SLC22A8: variants seen among roughly 807,000 people sequenced by gnomAD.
The protein encoded by SLC22A8 is organic anion transporter 3.
A neutral mutation model predicts 48.4 loss-of-function variants in SLC22A8; 40 were observed. The observed-to-expected ratio is 0.83, with a 90% confidence interval of 0.64 to 1.08. The LOEUF is 1.08. SLC22A8 is among the 50% of genes least tolerant of loss of function. The probability of loss-of-function intolerance (pLI) is 0.00; values close to 1 mark genes in which losing one functional copy is unlikely to be tolerated. For synonymous variants in SLC22A8, 268 were observed against 286.3 expected, an observed-to-expected ratio of 0.94 and a Z score of 0.65; for missense variants, 606 against 699.0, an observed-to-expected ratio of 0.87 and a Z score of 1.50.
chr11:63,000,936 C>G (rs745774853), intron 2 of SLC22A8, 113 bp from the exon 3 acceptor site: 3 of 772,226 alleles, frequency 3.9e-6, no homozygotes, highest in Non-Finnish European at 6.7e-6. Context: ...CTGACTTTGC[C>G]CCTACCTCCC....
chr11:63,001,035 G>A, intron 2 of SLC22A8: 2 of 536,016 alleles, frequency 3.7e-6, no homozygotes, highest in Non-Finnish European at 6.8e-6. Context: ...TCAGGCATGT[G>A]TGGCCTGTCA....
At chr11:63,009,025 G>C (rs117703343) in intron 2 of SLC22A8, among the ~76,000 whole-genome samples, 2 of 152,134 alleles carry the variant, frequency 1.3e-5, no homozygotes, top group Admixed American at 6.5e-5. Context: ...GGGCTTTCTC[G>C]GTCAGGGCTG....
At chr11:62,993,983 C>T in intron 8 of SLC22A8, 105 bp from the exon 9 acceptor site, 1 of 735,646 alleles carries the variant, frequency 1.4e-6, no homozygotes, top group Non-Finnish European at 2.5e-6. Context: ...TTCCAAGAAG[C>T]TCAGATCCAA....
chr11:62,996,822 G>A (rs1427261889), intron 5 of SLC22A8, among the ~76,000 whole-genome samples: 1 of 152,256 alleles, frequency 6.6e-6, no homozygotes, highest in Non-Finnish European at 1.5e-5. Context: ...CAGGATAAGA[G>A]GAAAGGAAGA....
chr11:63,009,214 G>C (rs964697694), intron 2 of SLC22A8, among the ~76,000 whole-genome samples: 1 of 152,004 alleles, frequency 6.6e-6, no homozygotes, highest in South Asian at 2.1e-4. Flanking sequence ...GGGCAACTGG[G>C]GACTGGGGAT....
At chr11:62,998,478 C>G (rs1488817304) in intron 5 of SLC22A8, among the ~76,000 whole-genome samples, 1 of 152,168 alleles carries the variant, frequency 6.6e-6, no homozygotes, top group Non-Finnish European at 1.5e-5. Context: ...TTAGTCTCCC[C>G]GAATCTTCCT....
intron 7 of SLC22A8, 114 bp downstream of exon 7, chr11:62,995,590 G>A: frequency 1.3e-6 from 1 of 745,894 alleles, no homozygotes; most frequent in South Asian, 1.6e-5. Context: ...CCAGGAGAGG[G>A]GATTCTCTGA....
chr11:63,013,247 A>T (rs2086638868), intron 2 of SLC22A8, among the ~76,000 whole-genome samples: 1 of 152,184 alleles, frequency 6.6e-6, no homozygotes, highest in Non-Finnish European at 1.5e-5. Flanking sequence ...ACATAGCCCT[A>T]AATTCAAATC....
At chr11:63,013,579 T>C (rs1224705615) in intron 2 of SLC22A8, among the ~76,000 whole-genome samples, 1 of 152,188 alleles carries the variant, frequency 6.6e-6, no homozygotes, top group African/African-American at 2.4e-5. Context: ...AGTTTCTCCC[T>C]CATTTGGACC....
intron 4 of SLC22A8, 85 bp from the exon 5 acceptor site, chr11:62,999,174 C>T: frequency 8.3e-7 from 1 of 1,211,658 alleles, no homozygotes; most frequent in Non-Finnish European, 1.2e-6. Flanking sequence ...TCTGCATCCC[C>T]ACGGCTACTG....
intron 5 of SLC22A8, among the ~76,000 whole-genome samples, chr11:62,997,327 T>C (rs1171044915): frequency 6.6e-6 from 1 of 152,122 alleles, no homozygotes; most frequent in African/African-American, 2.4e-5. Flanking sequence ...CGGGTTCAAG[T>C]GATTTTCCTG....
At chr11:63,014,478 C>T in intron 2 of SLC22A8, 148 bp downstream of exon 2, 1 of 658,666 alleles carries the variant, frequency 1.5e-6, no homozygotes, top group Non-Finnish European at 2.6e-6. Context: ...GCATGAGCTT[C>T]TGCACTCAGG....
At chr11:63,015,167 G>T (rs1349104470) in intron 1 of SLC22A8, among the ~76,000 whole-genome samples, 184 bp from the exon 2 acceptor site, 2 of 152,170 alleles carry the variant, frequency 1.3e-5, no homozygotes, top group Non-Finnish European at 2.9e-5. Context: ...TTGTGTGGAT[G>T]TCTGAGGAAG....
chr11:63,010,409 C>T (rs908333747), intron 2 of SLC22A8, among the ~76,000 whole-genome samples: 7 of 152,170 alleles, frequency 4.6e-5, no homozygotes, highest in East Asian at 1.9e-4. Context: ...GCCAACGCAT[C>T]GGTTTCCCGC....
At chr11:62,994,078 AT>A in intron 8 of SLC22A8, 200 bp from the exon 9 acceptor site, 1 of 596,548 alleles carries the variant, frequency 1.7e-6, no homozygotes, top group Non-Finnish European at 3.0e-6. Context: ...TTCCATTTAT[AT>A]TTTGTTGTAT....
Position 62,993,164 on chromosome 11 carries a change from G to C in SLC22A8, c.*73C>G, listed in dbSNP as rs760205170. On this transcript the variant is annotated 3_prime_UTR_variant, in exon 11 of 11. Transcript: ENST00000336232. ...ATCCTAGGAGGATGGACCTATATGG[G>C]GCCTCCCTATACTCCTAAGGTGCCT... 4.8e-4 allele frequency: 549 copies of C among 1,141,530 alleles called. No individual in the cohort carries two copies. Among genetic ancestry groups the C allele is most frequent in the Non-Finnish European group, 6.3e-4 (496 of 791,944 alleles). 70.7% of individuals were successfully genotyped at this position (1,141,530 alleles called of 1,614,324 possible).
At chr11:63,000,151 C>G (rs906509457) in intron 3 of SLC22A8, among the ~76,000 whole-genome samples, 1 of 152,208 alleles carries the variant, frequency 6.6e-6, no homozygotes, top group Non-Finnish European at 1.5e-5. Flanking sequence ...AGCCACTACG[C>G]TGTGTCCCAA....
intron 5 of SLC22A8, among the ~76,000 whole-genome samples, chr11:62,997,648 C>T (rs1207743110): frequency 6.6e-6 from 1 of 152,240 alleles, no homozygotes; most frequent in African/African-American, 2.4e-5. Context: ...TCTGAGTGCT[C>T]TCACGCCTAG....
At chr11:63,012,646 A>G (rs527757169) in intron 2 of SLC22A8, among the ~76,000 whole-genome samples, 1 of 152,310 alleles carries the variant, frequency 6.6e-6, no homozygotes, top group South Asian at 2.1e-4. Flanking sequence ...CATTCCACAG[A>G]ACACCTCCTC....
Sources: gnomAD v4.1 joint callset for allele counts (sites outside exome capture counted in the v4.1 genomes callset) on GRCh38, gnomAD v4.1.1 for gene constraint, MANE v1.5 for transcripts, NCBI Gene and HGNC (gene_info 2026-07-23, HGNC 2026-07-21) for gene names.